The following ESPL1 variants were observed in gnomAD, a reference collection of about 807,000 sequenced individuals.
ESPL1 encodes the protein separin.
Under a neutral mutation model 217.2 loss-of-function variants are expected in ESPL1, and 50 were observed. The ratio of observed to expected loss-of-function variants is 0.23; its 90% CI spans 0.18 to 0.29. The LOEUF (loss-of-function observed/expected upper bound fraction) is 0.29. ESPL1 is among the 10% of genes least tolerant of loss of function. The probability of loss-of-function intolerance (pLI) is 1.00; values close to 1 mark genes in which losing one functional copy is unlikely to be tolerated. For synonymous variants in ESPL1, 994 were observed against 1,081.3 expected (o/e 0.92, Z 1.58); for missense variants, 1,834 against 2,603.0 (o/e 0.70, Z 6.43).
At chr12:53,279,565 C>A in intron 11 of ESPL1, 167 bp from the exon 12 acceptor site, 2 of 771,346 alleles carry the variant, frequency 2.6e-6, no homozygotes, top group Non-Finnish European at 2.1e-6. Flanking sequence ...GGCATCTAGG[C>A]TTTAAAACAG....
chr12:53,274,968 AG>A lies in ESPL1; in HGVS notation c.1659del (p.Met554TrpfsTer13), dbSNP rs1943740748. The A allele has an allele frequency of 6.3e-7, 1 of 1,580,990 alleles. No individual in the cohort carries two copies. Among genetic ancestry groups the A allele is most frequent in the Non-Finnish European group, 8.6e-7 (1 of 1,164,500 alleles). On this transcript the variant is annotated frameshift_variant, in exon 7 of 31. Coordinates refer to ENST00000257934, the MANE Select transcript of ESPL1 (RefSeq NM_012291.5). LOFTEE classifies it high-confidence loss of function. ...AEPVTFWVRV[K>X]MDAARAGDKE... is the part of the protein sequence containing the mutation. The stretch of plus-strand genomic sequence containing the variant: ...CCAGTCACTTTCTGGGTTCGGGTCA[AG>A]ATGGATGCGGCCAGGGCTGGAGACA...
chr12:53,281,134 CTT>C (rs71068103), intron 12 of ESPL1, among the ~76,000 whole-genome samples: 120 of 72,438 alleles, frequency 1.7e-3, no homozygotes, highest in Middle Eastern at 0.012. Flanking sequence ...CTTTACTCCA[CTT>C]TTTTTTTTTT....
Position 53,283,494 on chromosome 12 carries a change from C to T in ESPL1, c.3033C>T (p.Cys1011=). 6.2e-7 allele frequency: 1 copy of T among 1,614,182 alleles called. No individual in the cohort carries two copies. The highest frequency in any genetic ancestry group is 8.5e-7 in the Non-Finnish European group (1 of 1,180,026). ...LGSVSEAKAF[C]LEALKLTTKL... ...GTGTGAGTGAAGCCAAGGCCTTTTGCTTGGAGGCCCTAAAACTTACAACAA... is the reference window on the plus strand; with the variant it reads ...GTGTGAGTGAAGCCAAGGCCTTTTGTTTGGAGGCCCTAAAACTTACAACAA... The change falls in exon 16 of 31, where the codon TGC becomes TGT. Residue 1011 remains cysteine (C), a synonymous_variant. Transcript: ENST00000257934.
chr12:53,286,082 C>T lies in ESPL1; in HGVS notation c.3346C>T (p.Pro1116Ser), dbSNP rs1198931623. 2 of 1,612,084 alleles carry T rather than the reference C, an allele frequency of 1.2e-6. No homozygotes were observed. Among genetic ancestry groups the T allele is most frequent in the Non-Finnish European group, 1.7e-6 (2 of 1,178,272 alleles). The change falls in exon 18 of 31, where the codon CCT becomes TCT. Residue 1116 changes from proline (P) to serine (S), a missense_variant. This residue lies in a region of ESPL1 where 681 missense variants were observed against 808.0 expected (regional missense o/e 0.84). Transcript: ENST00000257934. The surrounding 1 kb of genome is among the most constrained non-coding windows in gnomAD (Gnocchi z 5.3). Reference protein sequence around the residue: ...LELVATVAKEPGPIAPSTNSS... With the variant: ...LELVATVAKESGPIAPSTNSS... ...GCTGGTGGCCACTGTGGCCAAGGAG[C>T]CTGGCCCCATAGCACCTTCTACAAA...
intron 7 of ESPL1, among the ~76,000 whole-genome samples, chr12:53,275,624 A>G (rs1943753778): frequency 6.6e-6 from 1 of 152,024 alleles, no homozygotes; most frequent in Non-Finnish European, 1.5e-5. Context: ...CCACTGTGCT[A>G]CTTGGGGGGT....
Position 53,276,770 on chromosome 12 carries a change from G to C in ESPL1, c.1851G>C (p.Glu617Asp), listed in dbSNP as rs763335435. ...ACCTCCTGGAGCTGAGCCCCGAGGA[G>C]ACACCAGCCGGGGCCTGGGCACGAG... ...ICDLLELSPEETPAGAWARAT... is the reference protein window; with the variant it reads ...ICDLLELSPEDTPAGAWARAT... The change falls in exon 8 of 31, where the codon GAG becomes GAC. Residue 617 changes from glutamate to aspartate, a missense_variant. Transcript: ENST00000257934. 6 of 1,613,872 alleles carry C rather than the reference G, an allele frequency of 3.7e-6. No homozygotes were observed. Among genetic ancestry groups the C allele is most frequent in the Middle Eastern group, 3.3e-4 (2 of 6,062 alleles).
At chr12:53,272,162 A>G (rs2120884309) in intron 5 of ESPL1, among the ~76,000 whole-genome samples, 1 of 152,324 alleles carries the variant, frequency 6.6e-6, no homozygotes, top group Non-Finnish European at 1.5e-5. Flanking sequence ...TGTGTCGGTA[A>G]GCAAAACAAA....
intron 18 of ESPL1, chr12:53,287,115 C>G: frequency 2.1e-6 from 1 of 487,648 alleles, no homozygotes; most frequent in South Asian, 3.2e-5. Context: ...CTCTGTCGCC[C>G]AGGCTGGAGT....
intron 15 of ESPL1, 23 bp downstream of exon 15, chr12:53,283,280 G>A (rs780643689): frequency 2.7e-5 from 44 of 1,613,798 alleles, no homozygotes; most frequent in Non-Finnish European, 3.4e-5. Flanking sequence ...AGGACAGCAG[G>A]GCCCTCTTGG....
intron 3 of ESPL1, 62 bp downstream of exon 3, chr12:53,270,147 G>T: frequency 7.0e-7 from 1 of 1,426,766 alleles, no homozygotes; most frequent in Non-Finnish European, 9.6e-7. Context: ...CCAGCCTAGG[G>T]TATTTGGCAA....
intron 6 of ESPL1, 73 bp downstream of exon 6, chr12:53,272,930 C>T: frequency 6.6e-7 from 1 of 1,513,362 alleles, no homozygotes; most frequent in Non-Finnish European, 9.0e-7. Context: ...AAGGGCCTCA[C>T]CAGCACCCTG....
Position 53,292,378 on chromosome 12 carries a change from G to A in ESPL1, c.5897G>A (p.Arg1966Gln), listed in dbSNP as rs970139194. 5.6e-6 allele frequency: 9 copies of A among 1,613,424 alleles called. No individual in the cohort carries two copies. The highest frequency in any genetic ancestry group is 2.7e-5 in the African/African-American group (2 of 74,866). ...CTGTCAAGCACAGAGGAGCAATTTC[G>A]AGCCAATTTCAGCAGGTCAGGGGCG... The part of the protein sequence containing the change: ...NNLSSTEEQF[R>Q]ANFSSEAGWR... The change falls in exon 28 of 31, where the codon CGA (arginine) becomes CAA (glutamine). Residue 1966 changes from arginine (R) to glutamine (Q), a missense_variant. Arg to Gln is a conservative substitution (Grantham distance 43). Coordinates refer to ENST00000257934, the MANE Select transcript of ESPL1 (RefSeq NM_012291.5). The surrounding 1 kb of genome is among the most constrained non-coding windows in gnomAD (Gnocchi z 4.5).
In ESPL1 at chr12:53,290,463, G is replaced by T. The variant is rs370250029; in HGVS notation, c.5358G>T (p.Arg1786Ser). The T allele has an allele frequency of 1.6e-5, 26 of 1,612,442 alleles. No homozygotes were observed. In the African/African-American group the frequency reaches 3.1e-4, roughly 19 times the overall value. Reference protein sequence around the residue: ...WWTGRLALDHRMEVLIASLEK... With the variant: ...WWTGRLALDHSMEVLIASLEK... ...CAGGGCGGCTGGCACTGGACCACAG[G>T]ATGGAGGTGTGTGCTTCTGGGGTGG... The change falls in exon 24 of 31, where the codon AGG becomes AGT. Residue 1786 changes from arginine to serine, a missense_variant. Coordinates refer to ENST00000257934, the MANE Select transcript of ESPL1 (RefSeq NM_012291.5).
Position 53,288,132 on chromosome 12 carries a change from C to T in ESPL1, c.4337C>T (p.Pro1446Leu). 2.5e-6 allele frequency: 4 copies of T among 1,613,680 alleles called. No homozygotes were observed. Among genetic ancestry groups the T allele is most frequent in the Non-Finnish European group, 3.4e-6 (4 of 1,179,934 alleles). ...GCCGTGGTTGCCCCAGGTAGTGCCCCTGGGAACCCTGGCCTGAATGGCAGG... is the reference window on the plus strand; with the variant it reads ...GCCGTGGTTGCCCCAGGTAGTGCCCTTGGGAACCCTGGCCTGAATGGCAGG... ...TDAVVAPGSA[P>L]GNPGLNGRSR... The change falls in exon 19 of 31, where the codon CCT (proline) becomes CTT (leucine). Residue 1446 changes from proline (P) to leucine (L), a missense_variant. Coordinates refer to ENST00000257934, the MANE Select transcript of ESPL1 (RefSeq NM_012291.5).
Position 53,279,809 on chromosome 12 carries a change from C to A in ESPL1, c.2442C>A (p.Gly814=), listed in dbSNP as rs749827032. The stretch of plus-strand genomic sequence containing the variant: ...TGAAGGACCACTCGAAGGCAGCTGG[C>A]TCCTCCTGCCACATCACCCAGCTCC... ...ERLKDHSKAA[G]SSCHITQLLL... is the part of the protein sequence containing the mutation. The change falls in exon 12 of 31, where the codon GGC becomes GGA. Residue 814 remains glycine (G), a synonymous_variant. Transcript: ENST00000257934. 45 of 1,612,598 alleles carry A rather than the reference C, an allele frequency of 2.8e-5. 2 individuals are homozygous for A. The South Asian group carries it at 4.8e-4, about 17-fold the overall frequency.
rs759035527 is a variant in ESPL1 at position 53,291,642 on chromosome 12, C to G, written c.5521-48C>G. 5 of 1,562,538 alleles carry G rather than the reference C, an allele frequency of 3.2e-6. No individual in the cohort carries two copies. In the South Asian group the frequency reaches 5.9e-5, roughly 18 times the overall value. Reference sequence around the variant, plus strand: ...GAAACTGGACTTAATCCTTTCCCAGCAGCTATCATGAATGAAGATGGTGCT... The same window carrying G: ...GAAACTGGACTTAATCCTTTCCCAGGAGCTATCATGAATGAAGATGGTGCT... On this transcript the variant is annotated intron_variant, in intron 25 of 30. Coordinates refer to ENST00000257934, the MANE Select transcript of ESPL1 (RefSeq NM_012291.5).
chr12:53,268,370 C>G lies in ESPL1; in HGVS notation c.-20C>G, dbSNP rs1943605262. ...CTGTACCTAGGAAAGAGGGCGAGCTCTGGGGCGGTAAGGCCGGAAGGGACT... is the reference window on the plus strand; with the variant it reads ...CTGTACCTAGGAAAGAGGGCGAGCTGTGGGGCGGTAAGGCCGGAAGGGACT... On this transcript the variant is annotated 5_prime_UTR_variant, in exon 1 of 31. Coordinates refer to ENST00000257934, the MANE Select transcript of ESPL1 (RefSeq NM_012291.5). 2 of 203,634 alleles carry G rather than the reference C, an allele frequency of 9.8e-6. No individual in the cohort carries two copies. The highest frequency in any genetic ancestry group is 1.7e-4 in the South Asian group (2 of 12,008). The allele number at this position is 203,634 out of a possible 1,614,324, so 12.6% of individuals were successfully genotyped here.
Position 53,292,207 on chromosome 12 carries a change from G to A in ESPL1, c.5797-71G>A, listed in dbSNP as rs1944073933. The A allele has an allele frequency of 3.5e-6, 5 of 1,424,040 alleles. No individual in the cohort carries two copies. Among genetic ancestry groups the A allele is most frequent in the Non-Finnish European group, 5.0e-6 (5 of 1,007,306 alleles). The allele number at this position is 1,424,040 out of a possible 1,614,324, so 88.2% of individuals were successfully genotyped here. ...CCTAGGAATGGCTCAGACATGGAAA[G>A]GGGCTGAGATTGTTAGAGCTTGGGC... On this transcript the variant is annotated intron_variant, in intron 27 of 30. Coordinates refer to ENST00000257934, the MANE Select transcript of ESPL1 (RefSeq NM_012291.5). The surrounding 1 kb of genome is among the most constrained non-coding windows in gnomAD (Gnocchi z 4.5).
At chr12:53,290,033 G>C in intron 22 of ESPL1, 52 bp from the exon 23 acceptor site, 1 of 1,589,238 alleles carries the variant, frequency 6.3e-7, no homozygotes, top group Non-Finnish European at 8.6e-7. Context: ...CCAAGACAGG[G>C]AAGGGAATTC....
Sources: gnomAD v4.1 joint callset for allele counts (sites outside exome capture counted in the v4.1 genomes callset) on GRCh38, gnomAD v4.1.1 for gene constraint, gnomAD v4.1.1 regional missense constraint, Gnocchi (gnomAD v3.1) non-coding constraint, MANE v1.5 for transcripts, NCBI Gene and HGNC (gene_info 2026-07-23, HGNC 2026-07-21) for gene names.